The following INPP5A variants were observed in gnomAD, a reference collection of about 807,000 sequenced individuals.
INPP5A encodes the protein 43 kDa inositol polyphosphate 5-phophatase.
A neutral mutation model predicts 65.2 loss-of-function variants in INPP5A; 14 were observed. The ratio of observed to expected loss-of-function variants is 0.21; its 90% CI spans 0.14 to 0.34. INPP5A has a LOEUF of 0.34. INPP5A is among the 10% of genes least tolerant of loss of function. The pLI, the probability that INPP5A is intolerant of heterozygous loss-of-function variation, is 1.00. For missense variants in INPP5A, 431 were observed against 545.6 expected (o/e 0.79, Z 2.09); for synonymous variants, 207 against 208.3 (o/e 0.99, Z 0.05).
chr10:132,660,428 G>GTAACACACA (rs2072720469), intron 4 of INPP5A, among the ~76,000 whole-genome samples: 2 of 152,154 alleles, frequency 1.3e-5, no homozygotes, highest in Non-Finnish European at 2.9e-5. Flanking sequence ...TGTGTTACTA[G>GTAACACACA]CTTTTAAAAA....
At chr10:132,689,031 GTGT>G (rs1419520683) in intron 4 of INPP5A, among the ~76,000 whole-genome samples, 1 of 150,414 alleles carries the variant, frequency 6.6e-6, no homozygotes, top group African/African-American at 2.4e-5. Context: ...GTGCATATAT[GTGT>G]TAATGTTTGC....
rs555617589 is a variant in INPP5A at position 132,587,325 on chromosome 10, G to A, written c.76-20590G>A. ...GGAGGGGCTGGTACATCCTCACAGGGGTGGCAGGGGGTCCGATTGAGGAGC... is the reference window on the plus strand; with the variant it reads ...GGAGGGGCTGGTACATCCTCACAGGAGTGGCAGGGGGTCCGATTGAGGAGC... On this transcript the variant is annotated intron_variant, in intron 1 of 15. Transcript: ENST00000368594. The surrounding 1 kb of genome is among the most constrained non-coding windows in gnomAD (Gnocchi z 4.3). 2.6e-5 allele frequency among the ~76,000 whole-genome samples: 4 copies of A among 152,272 alleles called. No individual in the cohort carries two copies. The highest frequency in any genetic ancestry group is 2.0e-4 in the Admixed American group (3 of 15,300).
At position 132,718,641 on chromosome 10, in the gene INPP5A, C is replaced by G. The variant is rs1430991098; in HGVS notation, c.648-8180C>G. Among the ~76,000 whole-genome samples, 20 of 143,376 alleles carry G rather than the reference C, an allele frequency of 1.4e-4. 1 individual carries two copies. Among genetic ancestry groups the G allele is most frequent in the Non-Finnish European group, 2.7e-4 (18 of 66,342 alleles). The allele number at this position is 143,376 out of a possible 152,430, so 94.1% of individuals were successfully genotyped here. Reference sequence around the variant, plus strand: ...GGGTTCTGTGGTGCCTGGTTTCTGTCTGGGCGCCTTAGATGCTGTCTTCAG... The same window carrying G: ...GGGTTCTGTGGTGCCTGGTTTCTGTGTGGGCGCCTTAGATGCTGTCTTCAG... On this transcript the variant is annotated intron_variant, in intron 8 of 15. Coordinates refer to ENST00000368594, the MANE Select transcript of INPP5A (RefSeq NM_005539.5).
chr10:132,585,015 T>C (rs7912316), intron 1 of INPP5A, among the ~76,000 whole-genome samples: 98,226 of 152,170 alleles, frequency 0.65, 32,376 homozygotes, highest in African/African-American at 0.78. Flanking sequence ...CATGGAACAG[T>C]TATTTCCAAG....
rs888613970 is a variant in INPP5A, at chr10:132,678,180, G to A, written c.307-12212G>A. Among the ~76,000 whole-genome samples the A allele has an allele frequency of 3.9e-5, 6 of 152,156 alleles. No homozygotes were observed. Among genetic ancestry groups the A allele is most frequent in the Non-Finnish European group, 5.9e-5 (4 of 68,026 alleles). On this transcript the variant is annotated intron_variant, in intron 4 of 15. Transcript: ENST00000368594. This position sits in a 1 kb window ranked among gnomAD's most constrained non-coding sequence, Gnocchi z 4.1. ...GTGGTCACGGAGCTCCTCTGAGAGCGGACGGTCACAGCCCCCCGTATGCTG... is the reference window on the plus strand; with the variant it reads ...GTGGTCACGGAGCTCCTCTGAGAGCAGACGGTCACAGCCCCCCGTATGCTG...
intron 1 of INPP5A, among the ~76,000 whole-genome samples, chr10:132,557,333 G>T (rs1213559261): frequency 6.6e-6 from 1 of 152,246 alleles, no homozygotes; most frequent in Non-Finnish European, 1.5e-5. Context: ...GGCAGATGTG[G>T]GCTCCTGCAG....
rs150969170 is a variant in INPP5A at position 132,546,167 on chromosome 10, C to T, written c.75+7996C>T. ...TTCCGAGGATGTGGAAGCCACCAGT[C>T]GTCCTGGGTGGGTTGGGGCTGGACA... On this transcript the variant is annotated intron_variant, in intron 1 of 15. Coordinates refer to ENST00000368594, the MANE Select transcript of INPP5A (RefSeq NM_005539.5). The surrounding 1 kb of genome is among the most constrained non-coding windows in gnomAD (Gnocchi z 5.7). Among the ~76,000 whole-genome samples, 416 of 152,328 alleles carry T rather than the reference C, an allele frequency of 2.7e-3. 1 individual carries two copies. Among genetic ancestry groups the T allele is most frequent in the African/African-American group, 9.4e-3 (392 of 41,570 alleles).
chr10:132,660,461 A>G (rs553496788), intron 4 of INPP5A, among the ~76,000 whole-genome samples: 1 of 152,316 alleles, frequency 6.6e-6, no homozygotes. Flanking sequence ...GAAACTTCTT[A>G]GGAGGAAGAG....
At chr10:132,730,670 G>C (rs1020828035) in intron 9 of INPP5A, among the ~76,000 whole-genome samples, 2 of 152,226 alleles carry the variant, frequency 1.3e-5, no homozygotes, top group South Asian at 2.1e-4. Context: ...CATGCCCCAA[G>C]TGGATTTCTC....
intron 8 of INPP5A, among the ~76,000 whole-genome samples, chr10:132,720,464 G>T (rs1845848765): frequency 6.6e-6 from 1 of 151,058 alleles, no homozygotes; most frequent in African/African-American, 2.4e-5. Context: ...TCAGGGTTCT[G>T]TGGTACCTGG....
intron 1 of INPP5A, among the ~76,000 whole-genome samples, chr10:132,543,452 G>C (rs970559233): frequency 2.4e-4 from 36 of 152,150 alleles, no homozygotes; most frequent in African/African-American, 8.7e-4. Flanking sequence ...GGGTCTTGCT[G>C]TTCACCCAGA....
chr10:132,742,453 G>A (rs564745601), intron 9 of INPP5A, among the ~76,000 whole-genome samples: 10 of 152,288 alleles, frequency 6.6e-5, no homozygotes, highest in Non-Finnish European at 1.0e-4. Context: ...AGGTCTGAGC[G>A]AGAGGGCCAC....
chr10:132,686,271 G>A (rs2786905), intron 4 of INPP5A, among the ~76,000 whole-genome samples: 15,817 of 152,330 alleles, frequency 0.1, 878 homozygotes, highest in African/African-American at 0.12. Flanking sequence ...ACTCCTGCCC[G>A]TGTCTGCAGT....
intron 1 of INPP5A, among the ~76,000 whole-genome samples, chr10:132,573,280 T>TGA (rs200677171): frequency 7.9e-6 from 1 of 126,888 alleles, no homozygotes; most frequent in African/African-American, 3.1e-5. Context: ...GAGGTTTTGT[T>TGA]GATGTTGGGG....
intron 1 of INPP5A, among the ~76,000 whole-genome samples, chr10:132,552,916 A>G (rs2071074424): frequency 8.5e-6 from 1 of 117,860 alleles, no homozygotes; most frequent in Non-Finnish European, 1.8e-5. Context: ...GGGAGGGAGG[A>G]TTGGTGAACG....
At chr10:132,577,083 G>T (rs1463454411) in intron 1 of INPP5A, among the ~76,000 whole-genome samples, 1 of 152,234 alleles carries the variant, frequency 6.6e-6, no homozygotes, top group Non-Finnish European at 1.5e-5. Flanking sequence ...CTGTGGGGAA[G>T]GGGTTTTGGC....
rs576642042 is a variant in INPP5A at position 132,702,552 on chromosome 10, T to G, written c.474+4633T>G. 2.6e-5 allele frequency among the ~76,000 whole-genome samples: 4 copies of G among 152,306 alleles called. No homozygotes were observed. The South Asian group carries it at 8.3e-4, about 32-fold the overall frequency. ...TAAAACTGTTGACGGTTATCGCAAA[T>G]TCTAGGTAAAAACCTGGGCATGCTC... On this transcript the variant is annotated intron_variant, in intron 6 of 15. Coordinates refer to ENST00000368594, the MANE Select transcript of INPP5A (RefSeq NM_005539.5).
At chr10:132,618,672 G>A (rs2072073801) in intron 2 of INPP5A, among the ~76,000 whole-genome samples, 1 of 152,206 alleles carries the variant, frequency 6.6e-6, no homozygotes, top group African/African-American at 2.4e-5. Context: ...ACGGTTCGCA[G>A]GATGTGCAGG....
Position 132,650,291 on chromosome 10 carries a change from G to A in INPP5A, c.219-127G>A, listed in dbSNP as rs888480832. On this transcript the variant is annotated intron_variant, in intron 3 of 15. Transcript: ENST00000368594. The surrounding 1 kb of genome is among the most constrained non-coding windows in gnomAD (Gnocchi z 5.5). ...TGCCGCCATTCCCTGCCCTCTGCCT[G>A]TCACGGGTGGATGGTCTCACGGTGA... 2.9e-6 allele frequency: 2 copies of A among 682,400 alleles called. No individual in the cohort carries two copies. The highest frequency in any genetic ancestry group is 5.3e-6 in the Non-Finnish European group (2 of 375,474). The allele number at this position is 682,400 out of a possible 1,614,324, so 42.3% of individuals were successfully genotyped here.
Sources: allele counts gnomAD v4.1 joint callset (sites outside exome capture counted in the v4.1 genomes callset), GRCh38; gene constraint gnomAD v4.1.1; non-coding constraint Gnocchi (gnomAD v3.1); transcripts MANE v1.5; gene names NCBI Gene and HGNC (gene_info 2026-07-23, HGNC 2026-07-21).